HAPLN2: variants seen among roughly 807,000 people sequenced by gnomAD.
HAPLN2 encodes brain link protein-1.
HAPLN2 carries 27 observed loss-of-function variants against 29.3 expected under a neutral mutation model. The observed-to-expected ratio is 0.92, with a 90% CI of 0.68 to 1.27. The LOEUF (loss-of-function observed/expected upper bound fraction) is 1.27, where lower values mean the gene tolerates loss of function less well. HAPLN2 is among the 50% of genes most tolerant of loss of function. HAPLN2 has a pLI of 0.00. For missense variants in HAPLN2, 454 were observed against 484.3 expected (o/e 0.94, Z 0.59); for synonymous variants, 208 against 211.7 (o/e 0.98, Z 0.15).
the HAPLN2 span, among the ~76,000 whole-genome samples, chr1:156,608,762 T>C: frequency 6.6e-6 from 1 of 152,102 alleles, no homozygotes; most frequent in Non-Finnish European, 1.5e-5. Context: ...AGGCTGATCT[T>C]GAACTCTTGA....
rs776749289 is a variant in HAPLN2, at chr1:156,624,346, C to G, written c.440-5C>G. 11 of 1,598,202 alleles carry G rather than the reference C, an allele frequency of 6.9e-6. No individual in the cohort carries two copies. The highest frequency in any genetic ancestry group is 1.7e-5 in the Admixed American group (1 of 58,002). On this transcript the variant is annotated splice_polypyrimidine_tract_variant and splice_region_variant and intron_variant, in intron 4 of 6. Coordinates refer to ENST00000255039, the MANE Select transcript of HAPLN2 (RefSeq NM_021817.3). ...GCCCTCCCCAGGATCCCCGCCACCC[C>G]CTAGGTGTGGTGTTTCCGTACCAAC...
the HAPLN2 span, among the ~76,000 whole-genome samples, chr1:156,609,044 C>T: frequency 6.6e-6 from 1 of 152,196 alleles, no homozygotes; most frequent in Non-Finnish European, 1.5e-5. Flanking sequence ...ATTCATTCTC[C>T]CTTCGAACAA....
chr1:156,612,968 T>C, the HAPLN2 span, among the ~76,000 whole-genome samples: 1 of 152,216 alleles, frequency 6.6e-6, no homozygotes, highest in Non-Finnish European at 1.5e-5. Flanking sequence ...CATCATTTTA[T>C]TGAACTCATT....
chr1:156,618,703 C>T (rs1332085751), upstream of HAPLN2, among the ~76,000 whole-genome samples: 1 of 143,322 alleles, frequency 7.0e-6, no homozygotes, highest in Non-Finnish European at 1.5e-5. Context: ...GGCATGAACC[C>T]GGGAGTCGGA....
Position 156,624,203 on chromosome 1 carries a change from G to C in HAPLN2, c.439+43G>C, listed in dbSNP as rs758889838. The C allele has an allele frequency of 1.3e-5, 21 of 1,566,408 alleles. No homozygotes were observed. The South Asian group carries it at 2.3e-4, about 17-fold the overall frequency. On this transcript the variant is annotated intron_variant, in intron 4 of 6. Coordinates refer to ENST00000255039, the MANE Select transcript of HAPLN2 (RefSeq NM_021817.3). ...CCGCCCCATTCCTGTGTAGCAGCGG[G>C]TCCGCCTCGCCTGGGTCTCCCAGGG...
intron 2 of HAPLN2, among the ~76,000 whole-genome samples, chr1:156,622,694 G>A (rs1678274810): frequency 6.6e-6 from 1 of 152,072 alleles, no homozygotes; most frequent in Admixed American, 6.6e-5. Flanking sequence ...GGTGCAGGGA[G>A]CAACTGGATT....
upstream of HAPLN2, among the ~76,000 whole-genome samples, chr1:156,618,072 G>A (rs181144989): frequency 2.8e-4 from 42 of 151,996 alleles, no homozygotes; most frequent in African/African-American, 8.4e-4. Flanking sequence ...TGAGGTGGGC[G>A]GATTGCTTGA....
In HAPLN2 at chr1:156,625,538, C is replaced by A; in HGVS notation, c.*154C>A. 4.1e-6 allele frequency: 3 copies of A among 726,574 alleles called. No individual in the cohort carries two copies. Among genetic ancestry groups the A allele is most frequent in the Non-Finnish European group, 6.1e-6 (3 of 494,438 alleles). The allele number at this position is 726,574 out of a possible 1,614,324, so 45.0% of individuals were successfully genotyped here. The stretch of plus-strand genomic sequence containing the variant: ...CAGCCGGGGGCTGCGGGCCTCGGAC[C>A]CCGGCTGGCCCGGCGGCGGGGAGGG... On this transcript the variant is annotated 3_prime_UTR_variant, in exon 7 of 7. Coordinates refer to ENST00000255039, the MANE Select transcript of HAPLN2 (RefSeq NM_021817.3). This position sits in a 1 kb window ranked among gnomAD's most constrained non-coding sequence, Gnocchi z 5.7.
At position 156,625,440 on chromosome 1, in the gene HAPLN2, G is replaced by T. The variant is rs936741684; in HGVS notation, c.*56G>T. 3.4e-6 allele frequency: 5 copies of T among 1,487,862 alleles called. No homozygotes were observed. The highest frequency in any genetic ancestry group is 2.3e-5 in the Admixed American group (1 of 42,938). 92.2% of individuals were successfully genotyped at this position (1,487,862 alleles called of 1,614,324 possible). A position where few individuals can be genotyped will look rare whatever the true frequency, so the allele number is the denominator to read the frequency against. ...AAGAAGCTTGGGAGTCGTGGCGGGG[G>T]TCTCTCGCCACCCCTTTCCGGAGAG... On this transcript the variant is annotated 3_prime_UTR_variant, in exon 7 of 7. Transcript: ENST00000255039. The surrounding 1 kb of genome is among the most constrained non-coding windows in gnomAD (Gnocchi z 5.7).
At chr1:156,609,498 AAT>A in the HAPLN2 span, among the ~76,000 whole-genome samples, 1 of 152,220 alleles carries the variant, frequency 6.6e-6, no homozygotes, top group Non-Finnish European at 1.5e-5. Context: ...ATCAGTAAAA[AAT>A]TAATCCAAGT....
chr1:156,603,907 G>A, the HAPLN2 span, among the ~76,000 whole-genome samples: 1 of 152,176 alleles, frequency 6.6e-6, no homozygotes. Context: ...GTGCTATGGG[G>A]ATAAGATGAG....
chr1:156,613,963 A>G, the HAPLN2 span, among the ~76,000 whole-genome samples: 3 of 151,832 alleles, frequency 2.0e-5, no homozygotes, highest in Non-Finnish European at 2.9e-5. Context: ...AAAAGAAAAA[A>G]TGCTCTAGTG....
intron 6 of HAPLN2, 126 bp downstream of exon 6, chr1:156,624,909 G>GGGGGCCCC: frequency 5.0e-6 from 5 of 999,494 alleles, no homozygotes; most frequent in South Asian, 1.8e-5. Context: ...CCCCCCATCA[G>GGGGGCCCC]CCCGCCCGCC....
upstream of HAPLN2, among the ~76,000 whole-genome samples, chr1:156,619,080 G>A (rs1008741906): frequency 1.3e-5 from 2 of 151,942 alleles, no homozygotes; most frequent in African/African-American, 4.8e-5. Context: ...CCTTTCCCCT[G>A]GCCTCAGACA....
chr1:156,605,728 C>G, the HAPLN2 span, among the ~76,000 whole-genome samples: 1 of 151,664 alleles, frequency 6.6e-6, no homozygotes, highest in African/African-American at 2.4e-5. Context: ...GTGGGGTTTT[C>G]AAAGAGGATA....
At chr1:156,602,061 G>T in the HAPLN2 span, among the ~76,000 whole-genome samples, 1 of 151,694 alleles carries the variant, frequency 6.6e-6, no homozygotes, top group African/African-American at 2.4e-5. Flanking sequence ...TCTCAGCCTC[G>T]TGAGTATCTG....
chr1:156,621,101 C>T lies in HAPLN2; in HGVS notation c.-25+943C>T, dbSNP rs202138093. The stretch of plus-strand genomic sequence containing the variant: ...GAATGCAGTGAAGTCAAGAAGTCTT[C>T]ATTTTTTTTTTTTTTTTTTTTGAGA... On this transcript the variant is annotated intron_variant, in intron 2 of 6. Transcript: ENST00000255039. Among the ~76,000 whole-genome samples the T allele has an allele frequency of 4.9e-5, 3 of 61,054 alleles. No individual in the cohort carries two copies. The East Asian group carries it at 1.6e-3, about 33-fold the overall frequency. 40.1% of individuals were successfully genotyped at this position (61,054 alleles called of 152,430 possible). A position where few individuals can be genotyped will look rare whatever the true frequency, so the allele number is the denominator to read the frequency against.
the HAPLN2 span, among the ~76,000 whole-genome samples, chr1:156,604,293 C>CTTTTTTTTTTTTTTTTT: frequency 6.8e-6 from 1 of 147,020 alleles, no homozygotes. Flanking sequence ...TTGAAGAATT[C>CTTTTTTTTTTTTTTTTT]TTTTTTTTTT....
At chr1:156,607,134 G>A in the HAPLN2 span, among the ~76,000 whole-genome samples, 8 of 152,094 alleles carry the variant, frequency 5.3e-5, no homozygotes, top group African/African-American at 1.7e-4. Flanking sequence ...AAGTGTCATC[G>A]AATAATTTTT....
Sources: allele counts gnomAD v4.1 joint callset (sites outside exome capture counted in the v4.1 genomes callset), GRCh38; gene constraint gnomAD v4.1.1; non-coding constraint Gnocchi (gnomAD v3.1); transcripts MANE v1.5; gene names NCBI Gene and HGNC (gene_info 2026-07-23, HGNC 2026-07-21).